Variants in KIFAP3 observed in about 807,000 individuals in gnomAD.
KIFAP3 encodes the protein kinesin associated protein 3, also known as kinesin-associated protein 3.
Under a neutral mutation model 106.5 loss-of-function variants are expected in KIFAP3, and 68 were observed. The observed-to-expected ratio is 0.64, with a 90% confidence interval of 0.53 to 0.78. KIFAP3 has a LOEUF of 0.78. KIFAP3 is among the 30% of genes least tolerant of loss of function. KIFAP3 has a pLI of 0.00. For synonymous variants in KIFAP3, 320 were observed against 311.5 expected, an observed-to-expected ratio of 1.03 and a Z score of -0.29; for missense variants, 780 against 941.8, an observed-to-expected ratio of 0.83 and a Z score of 2.25.
intron 19 of KIFAP3, among the ~76,000 whole-genome samples, chr1:169,925,786 C>A (rs970973848): frequency 6.6e-6 from 1 of 152,128 alleles, no homozygotes; most frequent in South Asian, 2.1e-4. Context: ...AAACCACCTA[C>A]CTCTGGCTGT....
At chr1:169,979,962 T>C (rs1404118151) in intron 15 of KIFAP3, among the ~76,000 whole-genome samples, 1 of 152,152 alleles carries the variant, frequency 6.6e-6, no homozygotes, top group Non-Finnish European at 1.5e-5. Flanking sequence ...AACAAACTTT[T>C]GTATACAACA....
chr1:170,079,599 T>A (rs1442853193), upstream of KIFAP3, among the ~76,000 whole-genome samples: 1 of 152,156 alleles, frequency 6.6e-6, no homozygotes, highest in East Asian at 1.9e-4. Flanking sequence ...TACTTCTGGG[T>A]TCTCTATTCT....
intron 19 of KIFAP3, among the ~76,000 whole-genome samples, chr1:169,953,532 T>C (rs568178992): frequency 1.3e-5 from 2 of 152,230 alleles, no homozygotes; most frequent in Non-Finnish European, 2.9e-5. Context: ...CATTTTTTTT[T>C]TGAGACGAGT....
chr1:170,054,763 A>C (rs1315938387), intron 2 of KIFAP3, among the ~76,000 whole-genome samples: 1 of 152,192 alleles, frequency 6.6e-6, no homozygotes, highest in African/African-American at 2.4e-5. Context: ...GAACAATGAG[A>C]ACACACGGAC....
chr1:170,046,846 T>A lies in KIFAP3; in HGVS notation c.185A>T (p.Asn62Ile). Residue 62 changes from asparagine to isoleucine, a missense_variant, in exon 3 of 20, where the codon AAT becomes ATT. Physicochemically the swap from Asn to Ile is moderately radical, Grantham distance 149. This residue lies in a region of KIFAP3 where 588 missense variants were observed against 678.9 expected (regional missense o/e 0.87). Transcript: ENST00000361580. The part of the protein sequence containing the change: ...CQKIIRLKSL[N>I]ANTDITSLAR... ...CAGGGAAGTTATATCTGTGTTGGCA[T>A]TGAGACTCTTAAGTCGAATGCTGTA... 1 of 1,606,018 alleles carries A rather than the reference T, an allele frequency of 6.2e-7. No homozygotes were observed. The highest frequency in any genetic ancestry group is 1.1e-5 in the South Asian group (1 of 89,334).
At chr1:169,930,853 C>T (rs1261786211) in intron 19 of KIFAP3, among the ~76,000 whole-genome samples, 16 of 151,680 alleles carry the variant, frequency 1.1e-4, no homozygotes, top group Admixed American at 1.1e-3. Flanking sequence ...TAGGAGTGGT[C>T]CCTTCCAAAT....
intron 15 of KIFAP3, among the ~76,000 whole-genome samples, chr1:169,980,822 C>A (rs574366213): frequency 2.6e-5 from 4 of 152,162 alleles, no homozygotes; most frequent in Non-Finnish European, 5.9e-5. Context: ...AGTGATATAG[C>A]CGGGCACAGT....
intron 19 of KIFAP3, among the ~76,000 whole-genome samples, chr1:169,953,655 C>T (rs1299671778): frequency 6.6e-6 from 1 of 152,050 alleles, no homozygotes; most frequent in Non-Finnish European, 1.5e-5. Context: ...GCTGGGACTA[C>T]AGGAGCCCAC....
At chr1:170,062,215 C>CAA (rs112112967) in intron 1 of KIFAP3, among the ~76,000 whole-genome samples, 122 of 85,276 alleles carry the variant, frequency 1.4e-3, no homozygotes, top group African/African-American at 4.0e-3. Flanking sequence ...GAGATACCAT[C>CAA]AAAAAAAAAA....
chr1:170,006,806 C>T (rs923542280), intron 10 of KIFAP3, among the ~76,000 whole-genome samples: 1 of 151,966 alleles, frequency 6.6e-6, no homozygotes, highest in African/African-American at 2.4e-5. Context: ...ATATCTGGAC[C>T]AACAAAATCA....
intron 15 of KIFAP3, among the ~76,000 whole-genome samples, chr1:169,979,671 A>G (rs547638043): frequency 6.6e-5 from 10 of 152,258 alleles, no homozygotes; most frequent in African/African-American, 2.4e-4. Flanking sequence ...GCTCTCTTAC[A>G]CTACTGGTAA....
intron 2 of KIFAP3, among the ~76,000 whole-genome samples, chr1:170,053,192 C>T (rs1670663037): frequency 1.3e-5 from 2 of 152,192 alleles, no homozygotes; most frequent in South Asian, 2.1e-4. Context: ...CATTCCTATA[C>T]ACCAACAACA....
chr1:169,939,141 G>A (rs1426679274), intron 19 of KIFAP3, among the ~76,000 whole-genome samples: 2 of 152,094 alleles, frequency 1.3e-5, no homozygotes, highest in Admixed American at 6.6e-5. Context: ...CAGAAGGGAA[G>A]TGCAGAAACA....
At chr1:170,043,359 G>A (rs1670080110) in intron 3 of KIFAP3, among the ~76,000 whole-genome samples, 1 of 152,190 alleles carries the variant, frequency 6.6e-6, no homozygotes, top group African/African-American at 2.4e-5. Context: ...AGTGAGGAAA[G>A]ACTTAGCCTA....
chr1:169,992,431 A>G lies in KIFAP3; in HGVS notation c.1184-176T>C, dbSNP rs1667151018. 1.3e-5 allele frequency among the ~76,000 whole-genome samples: 2 copies of G among 152,178 alleles called. 1 individual carries two copies. Among genetic ancestry groups the G allele is most frequent in the South Asian group, 4.1e-4 (2 of 4,834 alleles). On this transcript the variant is annotated intron_variant, in intron 10 of 19. Coordinates refer to ENST00000361580, the MANE Select transcript of KIFAP3 (RefSeq NM_014970.4). ...AATTTAGAGCAAGCATATTCATGTT[A>G]TATGTGAAACATCACTAATTTCCAA...
At chr1:169,964,439 G>C (rs950338962) in intron 17 of KIFAP3, among the ~76,000 whole-genome samples, 1 of 152,144 alleles carries the variant, frequency 6.6e-6, no homozygotes, top group Non-Finnish European at 1.5e-5. Flanking sequence ...GGTTCCTGCA[G>C]AATGGATTCT....
At chr1:170,037,007 A>T (rs559511630) in intron 5 of KIFAP3, among the ~76,000 whole-genome samples, 2 of 152,350 alleles carry the variant, frequency 1.3e-5, no homozygotes, top group South Asian at 4.1e-4. Flanking sequence ...AAGACCAGTA[A>T]AGCCAATTTT....
At chr1:169,987,306 T>C (rs1474105780) in intron 11 of KIFAP3, among the ~76,000 whole-genome samples, 1 of 152,032 alleles carries the variant, frequency 6.6e-6, no homozygotes, top group African/African-American at 2.4e-5. Flanking sequence ...GAAGAGGCAA[T>C]AGTGTTCAAT....
intron 16 of KIFAP3, among the ~76,000 whole-genome samples, chr1:169,975,794 G>A (rs1432386037): frequency 6.6e-6 from 1 of 151,938 alleles, no homozygotes; most frequent in Non-Finnish European, 1.5e-5. Flanking sequence ...AAACATTTCT[G>A]AGTTTTGTAT....
Sources: allele counts gnomAD v4.1 joint callset (sites outside exome capture counted in the v4.1 genomes callset), GRCh38; gene constraint gnomAD v4.1.1; regional missense constraint gnomAD v4.1.1; transcripts MANE v1.5; gene names NCBI Gene and HGNC (gene_info 2026-07-23, HGNC 2026-07-21).